The following ASTN2 variants were observed in gnomAD, a reference collection of about 807,000 sequenced individuals.
ASTN2 encodes astrotactin 2.
ASTN2 carries 54 observed loss-of-function variants against 139.8 expected under a neutral mutation model. That is an observed-to-expected ratio of 0.39 (90% confidence interval 0.31 to 0.48). The LOEUF (loss-of-function observed/expected upper bound fraction) is 0.48, where lower values mean the gene tolerates loss of function less well. ASTN2 is among the 20% of genes least tolerant of loss of function. The pLI is 0.95. For missense variants in ASTN2, 1,565 were observed against 1,725.1 expected (o/e 0.91, Z 1.64); for synonymous variants, 756 against 719.5 (o/e 1.05, Z -0.81).
chr9:117,220,876 CT>C (rs2133036300), intron 2 of ASTN2, among the ~76,000 whole-genome samples: 1 of 152,334 alleles, frequency 6.6e-6, no homozygotes, highest in East Asian at 1.9e-4. Context: ...TTGGAGATCA[CT>C]TCCCCAGGGA....
At chr9:117,020,679 G>A (rs1005180592) in intron 6 of ASTN2, among the ~76,000 whole-genome samples, 1 of 152,118 alleles carries the variant, frequency 6.6e-6, no homozygotes, top group Non-Finnish European at 1.5e-5. Context: ...CATGTGGCAA[G>A]ATTTAGGGCA....
chr9:116,850,891 CA>C (rs1298245796), intron 11 of ASTN2, among the ~76,000 whole-genome samples: 1 of 152,182 alleles, frequency 6.6e-6, no homozygotes, highest in African/African-American at 2.4e-5. Flanking sequence ...TTCATCCTAT[CA>C]TTGTGCAGAA....
intron 13 of ASTN2, among the ~76,000 whole-genome samples, chr9:116,766,770 A>T (rs1829821305): frequency 6.6e-6 from 1 of 151,944 alleles, no homozygotes; most frequent in African/African-American, 2.4e-5. Flanking sequence ...ACGCACATAC[A>T]TTCATATTCA....
intron 3 of ASTN2, chr9:117,181,209 G>A: frequency 3.2e-6 from 2 of 618,528 alleles, no homozygotes; most frequent in Non-Finnish European, 2.9e-6. Context: ...AGATGATCTG[G>A]AGTATTTCAA....
chr9:116,692,517 T>C (rs1860622774), intron 16 of ASTN2, among the ~76,000 whole-genome samples: 1 of 152,228 alleles, frequency 6.6e-6, no homozygotes. Flanking sequence ...AGGAAGATAC[T>C]ATTTTAAAGT....
intron 2 of ASTN2, among the ~76,000 whole-genome samples, chr9:117,222,093 G>A (rs1717688802): frequency 6.6e-6 from 1 of 152,050 alleles, no homozygotes; most frequent in Non-Finnish European, 1.5e-5. Context: ...TTTAATACAT[G>A]CTGAATGATC....
At chr9:116,743,630 C>T (rs1481530790) in intron 13 of ASTN2, among the ~76,000 whole-genome samples, 1 of 152,048 alleles carries the variant, frequency 6.6e-6, no homozygotes, top group Non-Finnish European at 1.5e-5. Context: ...GCCTGCCTCC[C>T]GAGTAGCTGG....
chr9:116,635,891 C>T (rs1203690846), intron 17 of ASTN2, among the ~76,000 whole-genome samples: 3 of 152,068 alleles, frequency 2.0e-5, no homozygotes, highest in African/African-American at 7.2e-5. Context: ...GGAGCAAAAC[C>T]CAGTTTCCAA....
Position 117,039,810 on chromosome 9 carries a change from G to T in ASTN2, c.1423+9C>A, listed in dbSNP as rs367559989. The T allele has an allele frequency of 1.9e-6, 3 of 1,611,544 alleles. No homozygotes were observed. Among genetic ancestry groups the T allele is most frequent in the Non-Finnish European group, 1.7e-6 (2 of 1,179,028 alleles). ...TGGGTGTGGAGCATCTGCAATGCTC[G>T]GCTCTTACCATCTGCTATGAAGTGC... On this transcript the variant is annotated intron_variant, in intron 6 of 22. Coordinates refer to ENST00000313400, the MANE Select transcript of ASTN2 (RefSeq NM_001365068.1).
intron 16 of ASTN2, among the ~76,000 whole-genome samples, chr9:116,676,515 T>C (rs1859511211): frequency 6.6e-6 from 1 of 152,210 alleles, no homozygotes; most frequent in African/African-American, 2.4e-5. Flanking sequence ...ACAAAATTCC[T>C]CTGTCTTGTT....
intron 10 of ASTN2, among the ~76,000 whole-genome samples, chr9:116,897,432 C>T (rs537285765): frequency 6.6e-6 from 1 of 152,200 alleles, no homozygotes; most frequent in African/African-American, 2.4e-5. Context: ...AACTGCTTCT[C>T]ACACAGATAA....
intron 10 of ASTN2, among the ~76,000 whole-genome samples, chr9:116,897,386 T>C (rs16934036): frequency 5.9e-5 from 9 of 152,288 alleles, no homozygotes; most frequent in Non-Finnish European, 1.2e-4. Flanking sequence ...AACCAGATGG[T>C]CAAACTCACA....
intron 6 of ASTN2, among the ~76,000 whole-genome samples, chr9:117,029,854 T>C (rs1042220832): frequency 6.6e-6 from 1 of 152,088 alleles, no homozygotes; most frequent in Non-Finnish European, 1.5e-5. Context: ...GCCAAGACCC[T>C]ATTCCAACCC....
At chr9:116,601,087 G>C (rs918087022) in intron 19 of ASTN2, among the ~76,000 whole-genome samples, 6 of 152,184 alleles carry the variant, frequency 3.9e-5, no homozygotes, top group African/African-American at 1.4e-4. Flanking sequence ...TACCAAGCTA[G>C]GAATAGTATA....
intron 13 of ASTN2, among the ~76,000 whole-genome samples, chr9:116,759,098 T>C (rs2132165408): frequency 6.6e-6 from 1 of 152,196 alleles, no homozygotes; most frequent in East Asian, 1.9e-4. Context: ...GGCTGGTCTC[T>C]AACTCCCTGG....
chr9:116,739,542 C>A (rs537275648), intron 13 of ASTN2, among the ~76,000 whole-genome samples: 12 of 152,328 alleles, frequency 7.9e-5, no homozygotes, highest in African/African-American at 2.9e-4. Flanking sequence ...TCATTCAGAC[C>A]ATCCACTATT....
At chr9:117,142,214 A>G (rs1272865146) in intron 3 of ASTN2, among the ~76,000 whole-genome samples, 1 of 152,242 alleles carries the variant, frequency 6.6e-6, no homozygotes, top group Non-Finnish European at 1.5e-5. Flanking sequence ...GGCAAAAGGT[A>G]TCACCAAAAG....
At chr9:116,609,542 AAAAC>A (rs1345619508) in intron 19 of ASTN2, among the ~76,000 whole-genome samples, 1 of 151,680 alleles carries the variant, frequency 6.6e-6, no homozygotes, top group African/African-American at 2.4e-5. Flanking sequence ...ATATCTTACA[AAAAC>A]AAAATCAGAA....
At chr9:117,218,704 C>T (rs2133032298) in intron 2 of ASTN2, among the ~76,000 whole-genome samples, 1 of 152,290 alleles carries the variant, frequency 6.6e-6, no homozygotes, top group African/African-American at 2.4e-5. Context: ...TATGGACCTT[C>T]AGTTTATTAA....
Sources: allele counts gnomAD v4.1 joint callset (sites outside exome capture counted in the v4.1 genomes callset), GRCh38; gene constraint gnomAD v4.1.1; transcripts MANE v1.5; gene names NCBI Gene and HGNC (gene_info 2026-07-23, HGNC 2026-07-21).